KLHL1: variants seen among roughly 807,000 people sequenced by gnomAD.
The protein encoded by KLHL1 is kelch like family member 1, also known as kelch-like protein 1.
In KLHL1, 47 loss-of-function variants were observed where a neutral mutation model predicts 77.7. The ratio of observed to expected loss-of-function variants is 0.60; its 90% CI spans 0.48 to 0.77. The LOEUF (loss-of-function observed/expected upper bound fraction) is 0.77, where lower values mean the gene tolerates loss of function less well. Among genes scored for constraint, KLHL1 ranks in the 30% least tolerant of loss-of-function variants. The probability of loss-of-function intolerance (pLI) is 0.00; values close to 1 mark genes in which losing one functional copy is unlikely to be tolerated. For synonymous variants in KLHL1, 360 were observed against 325.2 expected (o/e 1.11, Z -1.15); for missense variants, 925 against 910.8 (o/e 1.02, Z -0.20).
intron 5 of KLHL1, among the ~76,000 whole-genome samples, chr13:69,877,946 C>A (rs1445891735): frequency 1.3e-5 from 2 of 152,142 alleles, no homozygotes; most frequent in Admixed American, 6.6e-5. Context: ...CCCAGATACA[C>A]ATAATGGGCC....
intron 7 of KLHL1, among the ~76,000 whole-genome samples, chr13:69,780,699 T>TAC (rs1230158909): frequency 1.2e-4 from 2 of 16,492 alleles, no homozygotes; most frequent in African/African-American, 3.2e-4. Context: ...TATATATATA[T>TAC]ATGTATATAT....
rs1167478800 is a variant in KLHL1 at position 69,864,345 on chromosome 13, CAT to C, written c.1227+17936_1227+17937del. On this transcript the variant is annotated intron_variant, in intron 5 of 10. Coordinates refer to ENST00000377844, the MANE Select transcript of KLHL1 (RefSeq NM_020866.3). ...TATGTATGTTATCTTCATAGGTAAA[CAT>C]ATATGCATAAATGTATCACATTGAT... Among the ~76,000 whole-genome samples the C allele has an allele frequency of 4.0e-5, 6 of 151,678 alleles. No homozygotes were observed. The East Asian group carries it at 7.7e-4, about 20-fold the overall frequency.
At chr13:69,777,669 T>G (rs1875900679) in intron 7 of KLHL1, among the ~76,000 whole-genome samples, 1 of 152,190 alleles carries the variant, frequency 6.6e-6, no homozygotes, top group African/African-American at 2.4e-5. Context: ...TGCCTAACTA[T>G]TCTTCACAGT....
intron 9 of KLHL1, among the ~76,000 whole-genome samples, chr13:69,711,643 C>T (rs548332845): frequency 9.9e-5 from 15 of 152,144 alleles, no homozygotes; most frequent in African/African-American, 3.6e-4. Context: ...TTGTTTATAA[C>T]TGCATAACGG....
chr13:69,954,601 C>G (rs373419050), intron 3 of KLHL1, among the ~76,000 whole-genome samples: 1 of 151,238 alleles, frequency 6.6e-6, no homozygotes, highest in Admixed American at 6.6e-5. Context: ...GATACATAAC[C>G]CTTACTCCTA....
chr13:70,054,767 T>A (rs1741525650), intron 1 of KLHL1, among the ~76,000 whole-genome samples: 1 of 149,702 alleles, frequency 6.7e-6, no homozygotes. Context: ...GCTGAAAAAT[T>A]CAAAAGAAAA....
At chr13:70,060,847 A>C (rs1403185162) in intron 1 of KLHL1, among the ~76,000 whole-genome samples, 2 of 76,416 alleles carry the variant, frequency 2.6e-5, no homozygotes, top group African/African-American at 1.8e-4. Context: ...ACTTCGTCTC[A>C]AAAGAAAAAA....
At chr13:69,794,952 A>C (rs1203224968) in intron 7 of KLHL1, among the ~76,000 whole-genome samples, 1 of 152,206 alleles carries the variant, frequency 6.6e-6, no homozygotes, top group African/African-American at 2.4e-5. Context: ...GGAAGATGGA[A>C]GGAGGTAAAT....
intron 6 of KLHL1, among the ~76,000 whole-genome samples, chr13:69,811,134 A>T (rs752163462): frequency 3.9e-5 from 6 of 152,150 alleles, no homozygotes; most frequent in Admixed American, 1.3e-4. Context: ...AACCCATGTC[A>T]TCCTGATAGC....
At chr13:70,039,811 T>G (rs1822172) in intron 1 of KLHL1, among the ~76,000 whole-genome samples, 8 of 151,802 alleles carry the variant, frequency 5.3e-5, no homozygotes, top group Admixed American at 1.3e-4. Context: ...AGCTAATTTT[T>G]AAAATTTTTA....
intron 7 of KLHL1, among the ~76,000 whole-genome samples, chr13:69,796,254 A>G (rs984796923): frequency 6.6e-6 from 1 of 152,200 alleles, no homozygotes; most frequent in African/African-American, 2.4e-5. Flanking sequence ...ATAATTGATG[A>G]CATTGTCATA....
At chr13:69,843,008 T>A (rs1413955934) in intron 5 of KLHL1, among the ~76,000 whole-genome samples, 1 of 151,350 alleles carries the variant, frequency 6.6e-6, no homozygotes, top group Non-Finnish European at 1.5e-5. Flanking sequence ...AGGTAGAGAG[T>A]TGAAAGACAG....
At chr13:70,000,388 A>G (rs531275168) in intron 1 of KLHL1, among the ~76,000 whole-genome samples, 17 of 152,144 alleles carry the variant, frequency 1.1e-4, no homozygotes, top group South Asian at 4.1e-4. Flanking sequence ...GTATAAAAAC[A>G]TTAAGAAAAA....
At chr13:69,901,412 A>G (rs1424495386) in intron 4 of KLHL1, among the ~76,000 whole-genome samples, 3 of 152,198 alleles carry the variant, frequency 2.0e-5, no homozygotes, top group Non-Finnish European at 2.9e-5. Flanking sequence ...GAATGAGTTG[A>G]GGGATAAATT....
chr13:70,039,196 G>A (rs2137376987), intron 1 of KLHL1, among the ~76,000 whole-genome samples: 1 of 151,616 alleles, frequency 6.6e-6, no homozygotes, highest in South Asian at 2.1e-4. Context: ...AGCTCCCCAA[G>A]CATCTGGGAC....
intron 1 of KLHL1, among the ~76,000 whole-genome samples, chr13:70,012,084 C>T (rs1163419969): frequency 6.6e-6 from 1 of 152,054 alleles, no homozygotes; most frequent in Non-Finnish European, 1.5e-5. Context: ...GAAAGACCCA[C>T]CCCCATGATT....
At chr13:69,793,970 A>ATCAG (rs1274640617) in intron 7 of KLHL1, among the ~76,000 whole-genome samples, 1 of 152,150 alleles carries the variant, frequency 6.6e-6, no homozygotes, top group African/African-American at 2.4e-5. Context: ...GTGATGATAC[A>ATCAG]TCAGTGTCAG....
At chr13:69,879,066 A>G (rs1260350416) in intron 5 of KLHL1, among the ~76,000 whole-genome samples, 1 of 152,174 alleles carries the variant, frequency 6.6e-6, no homozygotes, top group African/African-American at 2.4e-5. Context: ...ACACTTGGAC[A>G]CAGGAAGGTG....
chr13:69,739,755 C>T (rs1225505516), intron 8 of KLHL1, among the ~76,000 whole-genome samples: 2 of 152,150 alleles, frequency 1.3e-5, no homozygotes, highest in Non-Finnish European at 2.9e-5. Context: ...AGACTAGAAG[C>T]TGTTGCAGTT....
Sources: gnomAD v4.1 joint callset for allele counts (sites outside exome capture counted in the v4.1 genomes callset) on GRCh38, gnomAD v4.1.1 for gene constraint, MANE v1.5 for transcripts, NCBI Gene and HGNC (gene_info 2026-07-23, HGNC 2026-07-21) for gene names.